The following LMO7 variants were observed in gnomAD, a reference collection of about 807,000 sequenced individuals.
LMO7 encodes the protein LIM domain 7, also known as LIM domain only protein 7.
Under a neutral mutation model 206.5 loss-of-function variants are expected in LMO7, and 120 were observed. The observed-to-expected ratio is 0.58, with a 90% CI of 0.50 to 0.68. The LOEUF is 0.68. Ranked by LOEUF, LMO7 falls within the 30% of genes least tolerant of loss-of-function variation. The pLI, the probability that LMO7 is intolerant of heterozygous loss-of-function variation, is 0.00. For missense variants in LMO7, 1,959 were observed against 1,957.9 expected, an observed-to-expected ratio of 1.00 and a Z score of -0.01; for synonymous variants, 706 against 681.5, an observed-to-expected ratio of 1.04 and a Z score of -0.56.
At chr13:75,713,287 A>C in intron 2 of LMO7, 35 bp downstream of exon 2, 1 of 1,501,382 alleles carries the variant, frequency 6.7e-7, no homozygotes, top group Non-Finnish European at 9.1e-7. Context: ...ATAATTCAAA[A>C]GCAAAGATAT....
At chr13:75,652,309 T>C (rs1295541859) in intron 1 of LMO7, among the ~76,000 whole-genome samples, 1 of 152,204 alleles carries the variant, frequency 6.6e-6, no homozygotes, top group African/African-American at 2.4e-5. Flanking sequence ...CCTTACTACC[T>C]TTCCCTACCC....
At chr13:75,758,293 G>C (rs1036905424) in intron 3 of LMO7, among the ~76,000 whole-genome samples, 1 of 152,072 alleles carries the variant, frequency 6.6e-6, no homozygotes, top group African/African-American at 2.4e-5. Context: ...AGTTTTAACT[G>C]TCATGAAAAT....
intron 1 of LMO7, among the ~76,000 whole-genome samples, chr13:75,645,804 C>A (rs998251018): frequency 2.0e-5 from 3 of 152,160 alleles, no homozygotes; most frequent in African/African-American, 4.8e-5. Flanking sequence ...TCTAATTTTT[C>A]TGTGCTCAGT....
chr13:75,726,822 G>C (rs970450321), intron 2 of LMO7, among the ~76,000 whole-genome samples: 1 of 152,088 alleles, frequency 6.6e-6, no homozygotes, highest in Non-Finnish European at 1.5e-5. Flanking sequence ...AAAGGATATA[G>C]ACTATGGAGA....
At chr13:75,834,148 T>C in intron 16 of LMO7, 78 bp from the exon 17 acceptor site, 1 of 1,067,578 alleles carries the variant, frequency 9.4e-7, no homozygotes, top group Non-Finnish European at 1.3e-6. Flanking sequence ...AGAGTCATTT[T>C]TCTTAAGTTC....
intron 3 of LMO7, among the ~76,000 whole-genome samples, chr13:75,737,988 C>CT (rs1474883645): frequency 2.0e-5 from 3 of 151,748 alleles, no homozygotes; most frequent in Admixed American, 6.6e-5. Flanking sequence ...TCTTTGAAGG[C>CT]TACAGATATC....
chr13:75,681,065 C>T (rs2040444146), intron 1 of LMO7, among the ~76,000 whole-genome samples: 1 of 151,770 alleles, frequency 6.6e-6, no homozygotes, highest in Admixed American at 6.6e-5. Flanking sequence ...AATATTAGAC[C>T]TTTGTCAGAT....
At chr13:75,769,458 A>G (rs1202768262) in intron 4 of LMO7, among the ~76,000 whole-genome samples, 2 of 152,006 alleles carry the variant, frequency 1.3e-5, no homozygotes, top group African/African-American at 4.8e-5. Flanking sequence ...CATGTTCCCA[A>G]AGAATTACTG....
intron 15 of LMO7, among the ~76,000 whole-genome samples, chr13:75,827,784 C>T (rs1379959789): frequency 6.6e-6 from 1 of 152,206 alleles, no homozygotes; most frequent in Non-Finnish European, 1.5e-5. Flanking sequence ...CTTTCCAGAA[C>T]CTCTGCTCCA....
At chr13:75,747,105 C>T (rs2046904667) in intron 3 of LMO7, among the ~76,000 whole-genome samples, 1 of 151,978 alleles carries the variant, frequency 6.6e-6, no homozygotes, top group South Asian at 2.1e-4. Context: ...GGGCCTAAGT[C>T]TCCAAAAGAA....
chr13:75,665,780 G>A (rs1025332340), intron 1 of LMO7, among the ~76,000 whole-genome samples: 1 of 152,302 alleles, frequency 6.6e-6, no homozygotes, highest in African/African-American at 2.4e-5. Context: ...GGCCGCCTTG[G>A]CCTCCCAAAG....
chr13:75,840,593 C>A (rs998859961), intron 22 of LMO7, 98 bp downstream of exon 22: 3 of 1,372,786 alleles, frequency 2.2e-6, no homozygotes, highest in Admixed American at 4.7e-5. Context: ...TTAAACGCAA[C>A]AATCTCACAA....
At chr13:75,729,052 A>G (rs2044809240) in intron 3 of LMO7, among the ~76,000 whole-genome samples, 1 of 152,166 alleles carries the variant, frequency 6.6e-6, no homozygotes, top group South Asian at 2.1e-4. Flanking sequence ...GTTTGAGGTC[A>G]GGTAGCGTGA....
chr13:75,632,965 G>A (rs1234650823), upstream of LMO7, among the ~76,000 whole-genome samples: 1 of 145,854 alleles, frequency 6.9e-6, no homozygotes, highest in Non-Finnish European at 1.5e-5. Flanking sequence ...GGGTTCAAGT[G>A]ATTCTCCTGC....
At chr13:75,805,004 CAT>C in intron 8 of LMO7, 3 of 999,976 alleles carry the variant, frequency 3.0e-6, no homozygotes, top group Non-Finnish European at 3.6e-6. Context: ...GGTTTCCTGA[CAT>C]AGTTTTGGAT....
intron 1 of LMO7, among the ~76,000 whole-genome samples, chr13:75,640,248 G>A (rs752411095): frequency 1.4e-3 from 11 of 7,728 alleles, no homozygotes; most frequent in Admixed American, 2.7e-3. Context: ...GTGAGCCACC[G>A]CACCTGGCCT....
intron 1 of LMO7, among the ~76,000 whole-genome samples, chr13:75,707,774 A>G (rs2042768654): frequency 1.3e-5 from 2 of 152,048 alleles, no homozygotes; most frequent in South Asian, 4.2e-4. Flanking sequence ...TAAATACTGT[A>G]CAAATGGAAT....
intron 1 of LMO7, among the ~76,000 whole-genome samples, chr13:75,647,343 T>C (rs2037122443): frequency 1.3e-5 from 2 of 152,334 alleles, no homozygotes; most frequent in South Asian, 2.1e-4. Flanking sequence ...TTTGTTGTAT[T>C]AGTTGGGTTT....
At chr13:75,845,604 A>G (rs1169436175) in intron 26 of LMO7, among the ~76,000 whole-genome samples, 1 of 152,230 alleles carries the variant, frequency 6.6e-6, no homozygotes, top group Non-Finnish European at 1.5e-5. Flanking sequence ...ATGGTTTTAA[A>G]TTGCTAATGA....
Sources: gnomAD v4.1 joint callset for allele counts (sites outside exome capture counted in the v4.1 genomes callset) on GRCh38, gnomAD v4.1.1 for gene constraint, MANE v1.5 for transcripts, NCBI Gene and HGNC (gene_info 2026-07-23, HGNC 2026-07-21) for gene names.